Variants in FARS2 observed in about 807,000 individuals in gnomAD.
FARS2 encodes the protein phenylalanyl-tRNA synthetase 2, mitochondrial.
FARS2 carries 40 observed loss-of-function variants against 46.4 expected under a neutral mutation model. The ratio of observed to expected loss-of-function variants is 0.86; its 90% CI spans 0.67 to 1.12. The LOEUF is 1.12. FARS2 is among the 50% of genes most tolerant of loss of function. The pLI, the probability that FARS2 is intolerant of heterozygous loss-of-function variation, is 0.00. For missense variants in FARS2, 513 were observed against 567.9 expected (o/e 0.90, Z 0.98); for synonymous variants, 234 against 214.9 (o/e 1.09, Z -0.78).
At chr6:5,517,227 A>G (rs1468085684) in intron 4 of FARS2, among the ~76,000 whole-genome samples, 1 of 152,246 alleles carries the variant, frequency 6.6e-6, no homozygotes, top group Non-Finnish European at 1.5e-5. Context: ...TATTAGTGCT[A>G]GAGCTACGTT....
intron 5 of FARS2, among the ~76,000 whole-genome samples, chr6:5,603,675 G>C (rs551069853): frequency 6.6e-6 from 1 of 152,160 alleles, no homozygotes; most frequent in East Asian, 1.9e-4. Flanking sequence ...TGCTCCCTGT[G>C]TGCATGCCTG....
intron 6 of FARS2, among the ~76,000 whole-genome samples, chr6:5,671,231 C>A (rs1338055161): frequency 6.6e-6 from 1 of 152,196 alleles, no homozygotes; most frequent in Non-Finnish European, 1.5e-5. Flanking sequence ...GAGGAAGTTG[C>A]AGTGTCCATG....
chr6:5,499,125 T>C (rs1048590319), intron 4 of FARS2, among the ~76,000 whole-genome samples: 19 of 152,336 alleles, frequency 1.2e-4, no homozygotes, highest in Admixed American at 1.2e-3. Flanking sequence ...CACGAAGCGG[T>C]GCCCTTTTCT....
intron 5 of FARS2, among the ~76,000 whole-genome samples, chr6:5,576,623 TC>T (rs1772992458): frequency 1.5e-5 from 1 of 67,370 alleles, no homozygotes; most frequent in Non-Finnish European, 3.3e-5. Flanking sequence ...AAAGTATATA[TC>T]ATATATTAAC....
At chr6:5,442,882 C>T (rs1226657408) in intron 4 of FARS2, among the ~76,000 whole-genome samples, 1 of 152,182 alleles carries the variant, frequency 6.6e-6, no homozygotes, top group Non-Finnish European at 1.5e-5. Context: ...ATTTCCATTA[C>T]TGTAATAAAA....
intron 5 of FARS2, 33 bp from the exon 6 acceptor site, chr6:5,613,136 G>A: frequency 1.9e-6 from 3 of 1,590,076 alleles, no homozygotes; most frequent in Non-Finnish European, 1.7e-6. Context: ...CAACTAACAA[G>A]TTCATGTATC....
chr6:5,588,001 G>C (rs1464072505), intron 5 of FARS2, among the ~76,000 whole-genome samples: 1 of 152,136 alleles, frequency 6.6e-6, no homozygotes, highest in Admixed American at 6.5e-5. Flanking sequence ...GGGAATGGGA[G>C]GTGGGAGAAG....
chr6:5,251,337 GA>G, the FARS2 span, among the ~76,000 whole-genome samples: 3,009 of 152,266 alleles, frequency 0.02, 89 homozygotes, highest in African/African-American at 0.068. Context: ...GGTGGTATTT[GA>G]ATTAGTCTGT....
At chr6:5,351,289 A>G (rs1359402564) in intron 1 of FARS2, among the ~76,000 whole-genome samples, 4 of 152,212 alleles carry the variant, frequency 2.6e-5, no homozygotes, top group Non-Finnish European at 5.9e-5. Flanking sequence ...ATGCATGAAT[A>G]CTTGCTTTTA....
chr6:5,317,435 GTGCT>G (rs1220445602), intron 1 of FARS2, among the ~76,000 whole-genome samples: 6 of 152,158 alleles, frequency 3.9e-5, no homozygotes, highest in Non-Finnish European at 7.4e-5. Flanking sequence ...AAGCACACAA[GTGCT>G]TCTGCAGCTC....
chr6:5,345,329 A>G (rs1385378800), intron 1 of FARS2, among the ~76,000 whole-genome samples: 1 of 152,208 alleles, frequency 6.6e-6, no homozygotes, highest in Non-Finnish European at 1.5e-5. Flanking sequence ...ACAGAGGTGA[A>G]AAATCTTAAA....
chr6:5,629,071 C>A (rs542200763), intron 6 of FARS2, among the ~76,000 whole-genome samples: 1 of 152,312 alleles, frequency 6.6e-6, no homozygotes, highest in African/African-American at 2.4e-5. Context: ...TGAAAATCAG[C>A]ACCATGTCAG....
intron 1 of FARS2, among the ~76,000 whole-genome samples, chr6:5,276,331 AG>A (rs1340968888): frequency 6.6e-6 from 1 of 152,216 alleles, no homozygotes; most frequent in Non-Finnish European, 1.5e-5. Context: ...GCTGTATCAT[AG>A]GTTTTTTCAC....
chr6:5,675,499 T>A (rs923040840), intron 6 of FARS2, among the ~76,000 whole-genome samples: 6 of 152,238 alleles, frequency 3.9e-5, no homozygotes, highest in African/African-American at 1.4e-4. Context: ...TGTTTAGTCA[T>A]GAAATATGTT....
intron 5 of FARS2, among the ~76,000 whole-genome samples, chr6:5,595,315 G>A (rs1774137587): frequency 6.6e-6 from 1 of 152,100 alleles, no homozygotes; most frequent in African/African-American, 2.4e-5. Flanking sequence ...TTAATCCTTT[G>A]ATGTGTACCT....
intron 6 of FARS2, among the ~76,000 whole-genome samples, chr6:5,668,926 C>T (rs1229965645): frequency 6.6e-6 from 1 of 151,976 alleles, no homozygotes; most frequent in Non-Finnish European, 1.5e-5. Flanking sequence ...GAACTCCTGA[C>T]CTCAGGCGAT....
intron 5 of FARS2, among the ~76,000 whole-genome samples, chr6:5,556,103 A>G (rs1017467625): frequency 1.3e-5 from 2 of 152,090 alleles, no homozygotes; most frequent in African/African-American, 4.8e-5. Flanking sequence ...GTACTGGAAA[A>G]ACTATTGCAT....
chr6:5,544,340 T>C (rs1770827157), intron 4 of FARS2, among the ~76,000 whole-genome samples: 1 of 152,188 alleles, frequency 6.6e-6, no homozygotes, highest in African/African-American at 2.4e-5. Flanking sequence ...ACAAGGCATG[T>C]GCATGCGGGG....
intron 5 of FARS2, among the ~76,000 whole-genome samples, chr6:5,579,654 G>A (rs1203557455): frequency 6.6e-6 from 1 of 152,116 alleles, no homozygotes; most frequent in Non-Finnish European, 1.5e-5. Flanking sequence ...ATCTTTCTTT[G>A]TCCATTAGAA....
Sources: gnomAD v4.1 joint callset for allele counts (sites outside exome capture counted in the v4.1 genomes callset) on GRCh38, gnomAD v4.1.1 for gene constraint, MANE v1.5 for transcripts, NCBI Gene and HGNC (gene_info 2026-07-23, HGNC 2026-07-21) for gene names.